ZHX3: variants seen among roughly 807,000 people sequenced by gnomAD.
ZHX3 encodes the protein zinc fingers and homeoboxes protein 3.
In ZHX3, 20 loss-of-function variants were observed where a neutral mutation model predicts 64.5. The observed-to-expected ratio is 0.31, with a 90% CI of 0.22 to 0.45. ZHX3 has a LOEUF of 0.45. Ranked by LOEUF, ZHX3 falls within the 20% of genes least tolerant of loss-of-function variation. The pLI is 1.00. For missense variants in ZHX3, 1,041 were observed against 1,195.8 expected (o/e 0.87, Z 1.91); for synonymous variants, 423 against 461.6 (o/e 0.92, Z 1.07).
At chr20:41,207,502 C>A (rs2038817262) in intron 2 of ZHX3, among the ~76,000 whole-genome samples, 1 of 152,208 alleles carries the variant, frequency 6.6e-6, no homozygotes, top group African/African-American at 2.4e-5. Context: ...GTCTCTCAGA[C>A]CACAGTGCAA....
At chr20:41,194,640 G>C (rs142644320) in intron 3 of ZHX3, among the ~76,000 whole-genome samples, 2 of 152,304 alleles carry the variant, frequency 1.3e-5, no homozygotes, top group Non-Finnish European at 2.9e-5. Context: ...AGGAGAACTG[G>C]TGTGTTAATT....
At chr20:41,218,995 T>C (rs929366226) in intron 2 of ZHX3, among the ~76,000 whole-genome samples, 1 of 147,098 alleles carries the variant, frequency 6.8e-6, no homozygotes, top group East Asian at 2.1e-4. Context: ...AGTGGCGCGA[T>C]CTCGGCTCAC....
At chr20:41,197,250 T>C (rs2037797762) in intron 3 of ZHX3, 1 of 146,802 alleles carries the variant, frequency 6.8e-6, no homozygotes, top group African/African-American at 2.5e-5. Context: ...AAAATACATA[T>C]ATATTTTATA....
chr20:41,239,441 C>T (rs781389923), intron 2 of ZHX3, among the ~76,000 whole-genome samples: 9 of 152,330 alleles, frequency 5.9e-5, no homozygotes, highest in South Asian at 2.1e-4. Context: ...GAGAGAGGGC[C>T]GTCTTGGGGA....
At chr20:41,234,655 C>A (rs1250022934) in intron 2 of ZHX3, among the ~76,000 whole-genome samples, 1 of 152,226 alleles carries the variant, frequency 6.6e-6, no homozygotes, top group Non-Finnish European at 1.5e-5. Context: ...GAAACCCAAC[C>A]CGATTACAGT....
intron 2 of ZHX3, among the ~76,000 whole-genome samples, chr20:41,235,215 A>C (rs1430202031): frequency 1.3e-5 from 2 of 152,176 alleles, no homozygotes; most frequent in Non-Finnish European, 2.9e-5. Context: ...ACAAACAAAC[A>C]AAAAAACCGG....
chr20:41,227,993 T>C (rs2040376361), intron 2 of ZHX3, among the ~76,000 whole-genome samples: 2 of 152,158 alleles, frequency 1.3e-5, no homozygotes, highest in African/African-American at 4.8e-5. Flanking sequence ...CTTTGGTGCA[T>C]TGCAGGCCCC....
chr20:41,312,834 C>T (rs1404698185), intron 1 of ZHX3, among the ~76,000 whole-genome samples: 1 of 152,006 alleles, frequency 6.6e-6, no homozygotes, highest in Non-Finnish European at 1.5e-5. Context: ...AGTGTGGATG[C>T]GAGTCCAAGT....
chr20:41,260,540 C>A (rs1332098855), intron 2 of ZHX3, among the ~76,000 whole-genome samples: 2 of 152,128 alleles, frequency 1.3e-5, no homozygotes, highest in Admixed American at 6.5e-5. Context: ...GGAATACAAC[C>A]CAATTCCCAA....
At chr20:41,218,154 G>GA (rs1451263106) in intron 2 of ZHX3, among the ~76,000 whole-genome samples, 2 of 148,370 alleles carry the variant, frequency 1.3e-5, no homozygotes, top group African/African-American at 5.0e-5. Context: ...TCCTAAAAAT[G>GA]AAAAAAGAGG....
At position 41,311,208 on chromosome 20, in the gene ZHX3, G is replaced by C. The variant is rs148026965; in HGVS notation, c.-245+6301C>G. Among the ~76,000 whole-genome samples, 398 of 152,196 alleles carry C rather than the reference G, an allele frequency of 2.6e-3. 3 individuals carry two copies. Among genetic ancestry groups the C allele is most frequent in the South Asian group, 0.015 (73 of 4,816 alleles). On this transcript the variant is annotated intron_variant, in intron 1 of 3. Transcript: ENST00000683867. The stretch of plus-strand genomic sequence containing the variant: ...ACTCTTATCCAAACTCTAAATTGTT[G>C]ATGAGTTTACAAGTCTTTTCTTGAG...
At chr20:41,250,511 A>G (rs906471285) in intron 2 of ZHX3, among the ~76,000 whole-genome samples, 1 of 152,130 alleles carries the variant, frequency 6.6e-6, no homozygotes, top group Non-Finnish European at 1.5e-5. Flanking sequence ...TGGCAAAACC[A>G]TGAAGATGGA....
At chr20:41,257,881 G>A (rs551487354) in intron 2 of ZHX3, among the ~76,000 whole-genome samples, 1 of 145,318 alleles carries the variant, frequency 6.9e-6, no homozygotes, top group South Asian at 2.2e-4. Context: ...AAAGTGCTGG[G>A]ATTACAGGTG....
At chr20:41,306,614 T>C (rs2044987060) in intron 1 of ZHX3, among the ~76,000 whole-genome samples, 1 of 152,228 alleles carries the variant, frequency 6.6e-6, no homozygotes, top group Admixed American at 6.5e-5. Flanking sequence ...AAGTATGTTA[T>C]TTGGTGAATT....
At chr20:41,238,713 A>C (rs1374467839) in intron 2 of ZHX3, 2 of 152,194 alleles carry the variant, frequency 1.3e-5, no homozygotes, top group Non-Finnish European at 2.9e-5. Flanking sequence ...TCACATAAAT[A>C]ATCCATTCTT....
At position 41,200,054 on chromosome 20, in the gene ZHX3, G is replaced by C. The variant is rs2038092415; in HGVS notation, c.2860+2003C>G. Reference sequence around the variant, plus strand: ...GTTATTGCCTACCCTGGCACCAACAGTCTGCACCAGGAACATTTTCCACAG... The same window carrying C: ...GTTATTGCCTACCCTGGCACCAACACTCTGCACCAGGAACATTTTCCACAG... On this transcript the variant is annotated intron_variant, in intron 3 of 3. Transcript: ENST00000683867. This position sits in a 1 kb window ranked among gnomAD's most constrained non-coding sequence, Gnocchi z 4.2. Among the ~76,000 whole-genome samples the C allele has an allele frequency of 1.3e-5, 2 of 152,158 alleles. No individual in the cohort carries two copies. The highest frequency in any genetic ancestry group is 4.1e-4 in the South Asian group (2 of 4,828).
At chr20:41,193,484 AT>A (rs35019108) in intron 3 of ZHX3, among the ~76,000 whole-genome samples, 1 of 151,968 alleles carries the variant, frequency 6.6e-6, no homozygotes, top group East Asian at 1.9e-4. Flanking sequence ...AATACGACCA[AT>A]TTTTTTAGAC....
intron 2 of ZHX3, among the ~76,000 whole-genome samples, chr20:41,216,669 T>G (rs1354267539): frequency 6.6e-6 from 1 of 152,252 alleles, no homozygotes; most frequent in African/African-American, 2.4e-5. Flanking sequence ...ACTATTACAA[T>G]GACTCGGTGA....
intron 1 of ZHX3, 49 bp downstream of exon 1, chr20:41,317,460 T>G (rs1045751855): frequency 6.7e-6 from 1 of 150,152 alleles, no homozygotes; most frequent in Non-Finnish European, 1.5e-5. Flanking sequence ...CACCGGGGAC[T>G]GACAGCCGCG....
Sources: gnomAD v4.1 joint callset for allele counts (sites outside exome capture counted in the v4.1 genomes callset) on GRCh38, gnomAD v4.1.1 for gene constraint, Gnocchi (gnomAD v3.1) non-coding constraint, MANE v1.5 for transcripts, NCBI Gene and HGNC (gene_info 2026-07-23, HGNC 2026-07-21) for gene names.